GC: variants seen among roughly 807,000 people sequenced by gnomAD.
GC encodes the protein vitamin D-binding protein.
A neutral mutation model predicts 56.7 loss-of-function variants in GC; 43 were observed. The observed-to-expected ratio is 0.76, with a 90% CI of 0.59 to 0.98. The LOEUF is 0.98. Among genes scored for constraint, GC ranks in the 50% least tolerant of loss-of-function variants. The pLI, the probability that GC is intolerant of heterozygous loss-of-function variation, is 0.00. For synonymous variants in GC, 216 were observed against 202.7 expected (o/e 1.07, Z -0.56); for missense variants, 529 against 545.9 (o/e 0.97, Z 0.31).
chr4:71,784,241 C>A, upstream of GC: 6 of 1,229,310 alleles, frequency 4.9e-6, no homozygotes, highest in Non-Finnish European at 6.1e-6. Context: ...TAAATAGACA[C>A]CCTGGGGATA....
chr4:71,776,765 A>C (rs1560706259), intron 1 of GC, among the ~76,000 whole-genome samples: 1 of 151,964 alleles, frequency 6.6e-6, no homozygotes, highest in Non-Finnish European at 1.5e-5. Flanking sequence ...GTATATAATT[A>C]TAATTTGCCA....
intron 11 of GC, among the ~76,000 whole-genome samples, chr4:71,747,113 C>T (rs745410201): frequency 6.6e-6 from 1 of 151,982 alleles, no homozygotes; most frequent in African/African-American, 2.4e-5. Context: ...AAATTTTCAT[C>T]GTGGGGCAAT....
intron 9 of GC, 145 bp downstream of exon 9, chr4:71,754,833 C>T: frequency 1.7e-6 from 1 of 593,714 alleles, no homozygotes; most frequent in South Asian, 2.5e-5. Context: ...TGCTTTTTTC[C>T]CAACAATGTA....
chr4:71,765,452 A>G lies in GC; in HGVS notation c.453T>C (p.Asp151=). ...NDEICEAFRK[D]PKEYANQFMW... is the part of the protein sequence containing the mutation. ...CTCACTGATTAGCATATTCCTTTGG[A>G]TCTTTCCTGAACGCCTCACAGATTT... The change falls in exon 4 of 13, where the codon GAT becomes GAC. Residue 151 remains aspartate (D), a synonymous_variant. Transcript: ENST00000273951. 1.9e-6 allele frequency: 3 copies of G among 1,613,574 alleles called. No individual in the cohort carries two copies. In the South Asian group the frequency reaches 3.3e-5, roughly 18 times the overall value.
chr4:71,746,008 C>G (rs111451482), intron 12 of GC, 143 bp downstream of exon 12: 42 of 526,098 alleles, frequency 8.0e-5, no homozygotes, highest in African/African-American at 5.0e-4. Context: ...TTTAACTTTT[C>G]TCGGTGCTTA....
chr4:71,768,412 T>G lies in GC; in HGVS notation c.150A>C (p.Arg50Ser). The G allele has an allele frequency of 6.2e-7, 1 of 1,613,596 alleles. No individual in the cohort carries two copies. The highest frequency in any genetic ancestry group is 8.5e-7 in the Non-Finnish European group (1 of 1,179,694). The change falls in exon 3 of 13, where the codon AGA becomes AGC. Residue 50 changes from arginine (R) to serine (S), a missense_variant. Physicochemically the swap from Arg to Ser is moderately radical, Grantham distance 110. Coordinates refer to ENST00000273951, the MANE Select transcript of GC (RefSeq NM_000583.4). ...FTSLSLVLYS[R>S]KFPSGTFEQV... ...GTTCAAACGTGCCACTGGGAAATTT[T>G]CTACTGTACAGGACTAGTGACCTGA...
intron 1 of GC, among the ~76,000 whole-genome samples, chr4:71,796,663 T>C (rs759553096): frequency 5.3e-5 from 8 of 152,230 alleles, no homozygotes; most frequent in Non-Finnish European, 8.8e-5. Flanking sequence ...AGCCTACTTC[T>C]GTCAGTTCGT....
At chr4:71,760,117 T>C (rs1327456004) in intron 6 of GC, among the ~76,000 whole-genome samples, 1 of 151,334 alleles carries the variant, frequency 6.6e-6, no homozygotes, top group Admixed American at 6.6e-5. Context: ...AATCTTGGCT[T>C]ACTGCAAGCT....
chr4:71,783,511 AG>A (rs1742751707), intron 1 of GC, among the ~76,000 whole-genome samples: 1 of 151,810 alleles, frequency 6.6e-6, no homozygotes, highest in South Asian at 2.1e-4. Context: ...GATTCCTCTA[AG>A]GGGATCAAAG....
rs571305825 is a variant in GC at position 71,799,764 on chromosome 4, C to G, written c.21+4162G>C. Among the ~76,000 whole-genome samples, 5 of 152,220 alleles carry G rather than the reference C, an allele frequency of 3.3e-5. No homozygotes were observed. In the South Asian group the frequency reaches 8.3e-4, roughly 25 times the overall value. ...CCAAAGAAACTGATTTCATTTACAA[C>G]AAAAAAGCAGTGAAGGTTGTGGTGA... On this transcript the variant is annotated intron_variant, in intron 1 of 13. Transcript: ENST00000504199.
intron 1 of GC, among the ~76,000 whole-genome samples, chr4:71,774,830 A>G (rs1483382775): frequency 6.6e-6 from 1 of 151,886 alleles, no homozygotes; most frequent in Non-Finnish European, 1.5e-5. Flanking sequence ...TCTATGAAAA[A>G]TTGTACTTTA....
At chr4:71,804,518 G>A (rs1743319446), upstream of GC, among the ~76,000 whole-genome samples, 1 of 151,914 alleles carries the variant, frequency 6.6e-6, no homozygotes, top group Non-Finnish European at 1.5e-5. Flanking sequence ...TTGGCTTGTT[G>A]TTTGCAAAAC....
At chr4:71,801,591 C>T (rs1221528722) in intron 1 of GC, among the ~76,000 whole-genome samples, 1 of 152,132 alleles carries the variant, frequency 6.6e-6, no homozygotes, top group African/African-American at 2.4e-5. Context: ...CTGTCCAACA[C>T]ATGAAAACAG....
intron 11 of GC, among the ~76,000 whole-genome samples, chr4:71,751,007 T>C (rs531309139): frequency 6.6e-6 from 1 of 152,316 alleles, no homozygotes; most frequent in East Asian, 1.9e-4. Context: ...GCCTCTATAT[T>C]TCAGAAATAG....
At chr4:71,789,409 A>G (rs1275900840) in intron 1 of GC, among the ~76,000 whole-genome samples, 2 of 151,980 alleles carry the variant, frequency 1.3e-5, no homozygotes, top group African/African-American at 2.4e-5. Context: ...TTCTCTAATG[A>G]ACAGGACTCT....
intron 1 of GC, among the ~76,000 whole-genome samples, chr4:71,801,614 C>T (rs16847050): frequency 0.11 from 17,209 of 152,066 alleles, 1,043 homozygotes; most frequent in Middle Eastern, 0.13. Flanking sequence ...ACCTCCTTAA[C>T]GGTTTCTTAT....
At chr4:71,765,905 C>G (rs1351796672) in intron 3 of GC, among the ~76,000 whole-genome samples, 1 of 152,094 alleles carries the variant, frequency 6.6e-6, no homozygotes, top group African/African-American at 2.4e-5. Flanking sequence ...CAGTGTTTAT[C>G]TGATTAGAGC....
chr4:71,755,790 G>C lies in GC; in HGVS notation c.1035-683C>G, dbSNP rs185724655. 4.0e-3 allele frequency among the ~76,000 whole-genome samples: 609 copies of C among 152,256 alleles called. 5 individuals carry two copies. Among genetic ancestry groups the C allele is most frequent in the African/African-American group, 0.014 (571 of 41,550 alleles). On this transcript the variant is annotated intron_variant, in intron 8 of 12. Coordinates refer to ENST00000273951, the MANE Select transcript of GC (RefSeq NM_000583.4). ...TTCAAAAGGCTTTTCTGTGAAAATTGGTTTGTGTAAATTCCTTCATTATGT... is the reference window on the plus strand; with the variant it reads ...TTCAAAAGGCTTTTCTGTGAAAATTCGTTTGTGTAAATTCCTTCATTATGT...
rs189827639 is a variant in GC, at chr4:71,781,587, G to C, written c.58+2374C>G. On this transcript the variant is annotated intron_variant, in intron 1 of 12. Coordinates refer to ENST00000273951, the MANE Select transcript of GC (RefSeq NM_000583.4). ...CTGCAAGTTAAAAAAAAATTTTATAGCTGTATCACCAGTCTTTGTTACTTG... is the reference window on the plus strand; with the variant it reads ...CTGCAAGTTAAAAAAAAATTTTATACCTGTATCACCAGTCTTTGTTACTTG... Among the ~76,000 whole-genome samples, 29 of 151,774 alleles carry C rather than the reference G, an allele frequency of 1.9e-4. No homozygotes were observed. In the East Asian group the frequency reaches 5.4e-3, roughly 29 times the overall value.
Sources: gnomAD v4.1 joint callset for allele counts (sites outside exome capture counted in the v4.1 genomes callset) on GRCh38, gnomAD v4.1.1 for gene constraint, MANE v1.5 for transcripts, NCBI Gene and HGNC (gene_info 2026-07-23, HGNC 2026-07-21) for gene names.